Variants in PCDHA7 observed in about 807,000 individuals in gnomAD.
PCDHA7 encodes the protein protocadherin alpha 7.
In PCDHA7, 37 loss-of-function variants were observed where a neutral mutation model predicts 57.2. The ratio of observed to expected loss-of-function variants is 0.65; its 90% CI spans 0.50 to 0.85. PCDHA7 has a LOEUF of 0.85. Among genes scored for constraint, PCDHA7 ranks in the 40% least tolerant of loss-of-function variants. PCDHA7 has a pLI of 0.00. For missense variants in PCDHA7, 1,188 were observed against 1,241.8 expected, an observed-to-expected ratio of 0.96 and a Z score of 0.65; for synonymous variants, 553 against 558.8, an observed-to-expected ratio of 0.99 and a Z score of 0.15.
At chr5:140,848,532 C>G (rs2150412105) in intron 1 of PCDHA7, 1 of 1,594,974 alleles carries the variant, frequency 6.3e-7, no homozygotes, top group Non-Finnish European at 8.6e-7. Context: ...AGAGGGTCAG[C>G]CTCTACTGCT....
chr5:141,003,560 G>T (rs1011065385), intron 3 of PCDHA7, among the ~76,000 whole-genome samples: 1 of 152,062 alleles, frequency 6.6e-6, no homozygotes, highest in Non-Finnish European at 1.5e-5. Context: ...TGATCCACCT[G>T]CCTCAGACTC....
rs533343357 is a variant in PCDHA7, at chr5:140,856,093, C to G, written c.2355+19355C>G. 1.3e-6 allele frequency: 2 copies of G among 1,597,146 alleles called. 1 individual carries two copies. Among genetic ancestry groups the G allele is most frequent in the Non-Finnish European group, 1.7e-6 (2 of 1,166,952 alleles). On this transcript the variant is annotated intron_variant, in intron 1 of 3. Transcript: ENST00000525929. ...GCCTGGGGGTCCAGTGTCTGCTGCT[C>G]TCGCTTCTTCTCCTCGCAGCCTGGG... is the stretch of plus-strand genomic sequence containing the variant.
chr5:140,873,079 T>TC (rs544069393), intron 1 of PCDHA7, among the ~76,000 whole-genome samples: 14 of 151,958 alleles, frequency 9.2e-5, no homozygotes, highest in African/African-American at 2.4e-4. Context: ...TCTAGCTATT[T>TC]CCCCCCCGTA....
At chr5:140,925,689 G>C (rs1341368297) in intron 1 of PCDHA7, among the ~76,000 whole-genome samples, 1 of 147,806 alleles carries the variant, frequency 6.8e-6, no homozygotes, top group Non-Finnish European at 1.5e-5. Flanking sequence ...AGCGAGGGTG[G>C]GTATCTAGCC....
At chr5:140,867,824 G>A (rs1258393601) in intron 1 of PCDHA7, 1 of 151,982 alleles carries the variant, frequency 6.6e-6, no homozygotes, top group African/African-American at 2.4e-5. Flanking sequence ...ATTTCCACAA[G>A]CACTAAGGTA....
intron 1 of PCDHA7, among the ~76,000 whole-genome samples, chr5:140,917,329 GA>G (rs1467900886): frequency 0.012 from 1,654 of 143,658 alleles, 142 homozygotes; most frequent in African/African-American, 0.032. Context: ...TGTGGCGGGG[GA>G]GGGGGGGGAT....
In PCDHA7 at chr5:140,835,997, C is replaced by T. The variant is rs2150249894; in HGVS notation, c.1614C>T (p.Arg538=). 6.2e-7 allele frequency: 1 copy of T among 1,613,306 alleles called. No homozygotes were observed. Among genetic ancestry groups the T allele is most frequent in the Non-Finnish European group, 8.5e-7 (1 of 1,179,704 alleles). ...LELLQFQVSA[R]DAGVPPLGSN... is the part of the protein sequence containing the mutation. The stretch of plus-strand genomic sequence containing the variant: ...TGTTGCAGTTCCAGGTGAGCGCGCG[C>T]GATGCGGGCGTGCCGCCTCTGGGCA... Residue 538 remains arginine (R), a synonymous_variant, in exon 1 of 4, where the codon CGC becomes CGT. Transcript: ENST00000525929.
In PCDHA7 at chr5:140,869,244, C is replaced by G. The variant is rs782454826; in HGVS notation, c.2355+32506C>G. 5.6e-6 allele frequency: 9 copies of G among 1,613,658 alleles called. 1 individual carries two copies. In the South Asian group the frequency reaches 7.7e-5, roughly 14 times the overall value. ...CCAAACACGGCACCTTCGTGGGCCG[C>G]ATCGCGCAGGACCTGGGGCTGGAGC... On this transcript the variant is annotated intron_variant, in intron 1 of 3. Coordinates refer to ENST00000525929, the MANE Select transcript of PCDHA7 (RefSeq NM_018910.3).
intron 1 of PCDHA7, among the ~76,000 whole-genome samples, chr5:140,919,232 T>G (rs1178591658): frequency 3.9e-5 from 6 of 152,246 alleles, no homozygotes; most frequent in African/African-American, 1.4e-4. Flanking sequence ...CTAGTAACAC[T>G]TTTTGTCTTG....
chr5:140,898,148 A>C lies in PCDHA7; in HGVS notation c.2355+61410A>C, dbSNP rs532668918. On this transcript the variant is annotated intron_variant, in intron 1 of 3. Coordinates refer to ENST00000525929, the MANE Select transcript of PCDHA7 (RefSeq NM_018910.3). ...CTCCCATTTTGTAGGTTGCCTGTTC[A>C]CGCTGATGGTGGTTTCTTTTGCTGT... Among the ~76,000 whole-genome samples, 1,044 of 152,230 alleles carry C rather than the reference A, an allele frequency of 6.9e-3. 8 individuals are homozygous for C. The highest frequency in any genetic ancestry group is 0.024 in the African/African-American group (1,010 of 41,492).
At chr5:140,946,447 A>G (rs1206019841) in intron 1 of PCDHA7, among the ~76,000 whole-genome samples, 6 of 151,544 alleles carry the variant, frequency 4.0e-5, no homozygotes, top group Non-Finnish European at 7.4e-5. Context: ...AGACTAAAAC[A>G]ACTATCCAGC....
At chr5:140,904,447 C>T (rs2071139964) in intron 1 of PCDHA7, among the ~76,000 whole-genome samples, 1 of 151,118 alleles carries the variant, frequency 6.6e-6, no homozygotes, top group Non-Finnish European at 1.5e-5. Flanking sequence ...ATTACAATTT[C>T]TTTATACACT....
rs782754440 is a variant in PCDHA7, at chr5:140,869,396, A to G, written c.2355+32658A>G. 3.2e-5 allele frequency: 51 copies of G among 1,614,230 alleles called. No homozygotes were observed. The highest frequency in any genetic ancestry group is 1.6e-4 in the Middle Eastern group (1 of 6,062). On this transcript the variant is annotated intron_variant, in intron 1 of 3. Transcript: ENST00000525929. ...ATCGACCGCGAGGAGCTGTGCGGGC[A>G]GAGCGCGGAGTGCAGCATCCACCTG...
rs2150416183 is a variant in PCDHA7, at chr5:140,848,654, G to A, written c.2355+11916G>A. ...TGGGCCGCATCGCGCAGGACCTGGG[G>A]CTGGAGCTGGCGGAGCTGGTGCCGC... On this transcript the variant is annotated intron_variant, in intron 1 of 3. Coordinates refer to ENST00000525929, the MANE Select transcript of PCDHA7 (RefSeq NM_018910.3). The A allele has an allele frequency of 3.8e-6, 6 of 1,592,752 alleles. 1 individual carries two copies. Among genetic ancestry groups the A allele is most frequent in the African/African-American group, 1.3e-5 (1 of 74,466 alleles).
At chr5:140,993,273 T>C (rs1212746492) in intron 3 of PCDHA7, among the ~76,000 whole-genome samples, 1 of 152,176 alleles carries the variant, frequency 6.6e-6, no homozygotes, top group Non-Finnish European at 1.5e-5. Flanking sequence ...TTCTTTGGTC[T>C]TTTCTTGCCC....
At chr5:140,902,938 C>T (rs2069876653) in intron 1 of PCDHA7, among the ~76,000 whole-genome samples, 1 of 152,186 alleles carries the variant, frequency 6.6e-6, no homozygotes. Flanking sequence ...ATATATACCA[C>T]ATTTTCTTTA....
At position 140,835,632 on chromosome 5, in the gene PCDHA7, A is replaced by G. The variant is rs2150240011; in HGVS notation, c.1249A>G (p.Ser417Gly). Residue 417 changes from serine to glycine, a missense_variant, in exon 1 of 4, where the codon AGT (serine) becomes GGT (glycine). By Grantham distance (56) the Ser-to-Gly change is moderately conservative (BLOSUM62 0). Around this residue, in one of 3 missense-constraint regions of PCDHA7, gnomAD observed 892 missense variants for 788.5 expected, o/e 1.13. Transcript: ENST00000525929. ...LVLDSALDRESVSAYELVVTA... is the reference protein window; with the variant it reads ...LVLDSALDREGVSAYELVVTA... ...GCTGGACAGCGCTCTGGACCGCGAG[A>G]GTGTGTCCGCCTATGAGCTGGTGGT... is the stretch of plus-strand genomic sequence containing the variant. The G allele has an allele frequency of 6.2e-7, 1 of 1,613,722 alleles. No individual in the cohort carries two copies.
At chr5:141,009,529 T>G in intron 3 of PCDHA7, 98 bp from the exon 4 acceptor site, 1 of 1,505,630 alleles carries the variant, frequency 6.6e-7, no homozygotes, top group Non-Finnish European at 8.9e-7. Context: ...TCTGGGGAGG[T>G]TCAGCCTGCC....
At chr5:140,897,762 A>G (rs572488219) in intron 1 of PCDHA7, among the ~76,000 whole-genome samples, 1 of 152,324 alleles carries the variant, frequency 6.6e-6, no homozygotes, top group East Asian at 1.9e-4. Flanking sequence ...AGGAATCGCC[A>G]CACTGACTTC....
Sources: gnomAD v4.1 joint callset for allele counts (sites outside exome capture counted in the v4.1 genomes callset) on GRCh38, gnomAD v4.1.1 for gene constraint, gnomAD v4.1.1 regional missense constraint, MANE v1.5 for transcripts, NCBI Gene and HGNC (gene_info 2026-07-23, HGNC 2026-07-21) for gene names.